PCDHB7: variants seen among roughly 807,000 people sequenced by gnomAD.
PCDHB7 encodes the protein protocadherin beta 7.
For missense variants in PCDHB7, 1,148 were observed against 1,011.6 expected, an observed-to-expected ratio of 1.13 and a Z score of -1.83; for synonymous variants, 542 against 463.1, an observed-to-expected ratio of 1.17 and a Z score of -2.19.
Position 141,175,507 on chromosome 5 carries a change from T to G in PCDHB7, c.*290T>G, listed in dbSNP as rs1753360139. On this transcript the variant is annotated 3_prime_UTR_variant, in exon 1 of 1. Transcript: ENST00000231137. ...ATTGCTTTCCATTGTTTTCAATCTC[T>G]ACTGAGACTTCCTGAGTTGATTAGA... 2 of 429,530 alleles carry G rather than the reference T, an allele frequency of 4.7e-6. No homozygotes were observed. Among genetic ancestry groups the G allele is most frequent in the Admixed American group, 4.2e-5 (1 of 24,054 alleles). The allele number at this position is 429,530 out of a possible 1,614,324, so 26.6% of individuals were successfully genotyped here.
chr5:141,173,858 C>A lies in PCDHB7; in HGVS notation c.1023C>A (p.Asn341Lys). 6.2e-7 allele frequency: 1 copy of A among 1,614,030 alleles called. No individual in the cohort carries two copies. Among genetic ancestry groups the A allele is most frequent in the South Asian group, 1.1e-5 (1 of 91,068 alleles). Reference protein sequence around the residue: ...CTVVVDVTDINDNRPELLLSS... With the variant: ...CTVVVDVTDIKDNRPELLLSS... ...TAGTGGTTGATGTAACAGATATAAA[C>A]GATAATCGACCCGAGCTGCTCCTGT... The change falls in exon 1 of 1, where the codon AAC becomes AAA. Residue 341 changes from asparagine (N) to lysine (K), a missense_variant. Transcript: ENST00000231137.
Position 141,174,650 on chromosome 5 carries a change from G to C in PCDHB7, c.1815G>C (p.Gln605His). The C allele has an allele frequency of 6.2e-7, 1 of 1,610,372 alleles. No homozygotes were observed. Among genetic ancestry groups the C allele is most frequent in the Non-Finnish European group, 8.5e-7 (1 of 1,179,738 alleles). ...DSGQNAWLSY[Q>H]LLKATEPGLF... Reference sequence around the variant, plus strand: ...GCCAGAACGCCTGGCTGTCGTACCAGCTGCTCAAGGCCACGGAGCCCGGGC... The same window carrying C: ...GCCAGAACGCCTGGCTGTCGTACCACCTGCTCAAGGCCACGGAGCCCGGGC... Residue 605 changes from glutamine (Q) to histidine (H), a missense_variant, in exon 1 of 1, where the codon CAG (glutamine) becomes CAC (histidine). Transcript: ENST00000231137.
In PCDHB7 at chr5:141,172,864, A is replaced by C. The variant is rs1554279835; in HGVS notation, c.29A>C (p.Gln10Pro). The C allele has an allele frequency of 6.2e-7, 1 of 1,614,150 alleles. No homozygotes were observed. The highest frequency in any genetic ancestry group is 1.1e-5 in the South Asian group (1 of 91,088). The change falls in exon 1 of 1, where the codon CAG becomes CCG. Residue 10 changes from glutamine (Q) to proline (P), a missense_variant. Physicochemically the swap from Gln to Pro is moderately conservative, Grantham distance 76 (BLOSUM62 -1). Transcript: ENST00000231137. MEARVERAV[Q>P]KRQVLFLCVF... is the part of the protein sequence containing the mutation. ...GAGGCCAGAGTGGAGCGTGCTGTGC[A>C]GAAAAGGCAAGTCTTATTTCTTTGT...
Position 141,175,465 on chromosome 5 carries a change from T to A in PCDHB7, c.*248T>A. The A allele has an allele frequency of 1.9e-6, 1 of 526,906 alleles. No individual in the cohort carries two copies. The highest frequency in any genetic ancestry group is 3.3e-5 in the South Asian group (1 of 30,008). 32.6% of individuals were successfully genotyped at this position (526,906 alleles called of 1,614,324 possible). On this transcript the variant is annotated 3_prime_UTR_variant, in exon 1 of 1. Coordinates refer to ENST00000231137, the MANE Select transcript of PCDHB7 (RefSeq NM_018940.4). Reference sequence around the variant, plus strand: ...TATACAGTCTATTAAATGTAAGTCTTGTTTGAGATATTTTAAATTGCTTTC... The same window carrying A: ...TATACAGTCTATTAAATGTAAGTCTAGTTTGAGATATTTTAAATTGCTTTC...
In PCDHB7 at chr5:141,173,925, G is replaced by A. The variant is rs1554280091; in HGVS notation, c.1090G>A (p.Val364Ile). 1 of 1,612,870 alleles carries A rather than the reference G, an allele frequency of 6.2e-7. No homozygotes were observed. The highest frequency in any genetic ancestry group is 1.1e-5 in the South Asian group (1 of 91,042). Residue 364 changes from valine (V) to isoleucine (I), a missense_variant, in exon 1 of 1, where the codon GTC (valine) becomes ATC (isoleucine). Physicochemically the swap from Val to Ile is conservative, Grantham distance 29 (BLOSUM62 3). Coordinates refer to ENST00000231137, the MANE Select transcript of PCDHB7 (RefSeq NM_018940.4). ...AATTGCAGAAAACTCACCCGAGACA[G>A]TCGTGGCTGTTTTTAGGATTAGAGA... is the stretch of plus-strand genomic sequence containing the variant. ...SPIAENSPET[V>I]VAVFRIRDRD...
In PCDHB7 at chr5:141,175,442, TAC is replaced by T. The variant is rs1286056070; in HGVS notation, c.*227_*228del. 4 of 595,844 alleles carry T rather than the reference TAC, an allele frequency of 6.7e-6. No homozygotes were observed. The highest frequency in any genetic ancestry group is 2.6e-5 in the South Asian group (1 of 38,420). 36.9% of individuals were successfully genotyped at this position (595,844 alleles called of 1,614,324 possible). A position where few individuals can be genotyped will look rare whatever the true frequency, so the allele number is the denominator to read the frequency against. On this transcript the variant is annotated 3_prime_UTR_variant, in exon 1 of 1. Transcript: ENST00000231137. ...TTATGTCAAACAATTATGCTTAATA[TAC>T]AGTCTATTAAATGTAAGTCTTGTTT... is the stretch of plus-strand genomic sequence containing the variant.
chr5:141,175,238 C>A lies in PCDHB7; in HGVS notation c.*21C>A, dbSNP rs782317015. Reference sequence around the variant, plus strand: ...TCTGATAAAGAATGTAAACTAAATCCGCGTCTGTGAATACGTTTCTGATTA... The same window carrying A: ...TCTGATAAAGAATGTAAACTAAATCAGCGTCTGTGAATACGTTTCTGATTA... On this transcript the variant is annotated 3_prime_UTR_variant, in exon 1 of 1. Transcript: ENST00000231137. The A allele has an allele frequency of 2.5e-6, 4 of 1,578,970 alleles. No homozygotes were observed. The highest frequency in any genetic ancestry group is 3.4e-6 in the Non-Finnish European group (4 of 1,161,604).
chr5:141,173,323 G>C lies in PCDHB7; in HGVS notation c.488G>C (p.Gly163Ala), dbSNP rs782076838. The C allele has an allele frequency of 6.2e-7, 1 of 1,613,994 alleles. No individual in the cohort carries two copies. Residue 163 changes from glycine (G) to alanine (A), a missense_variant, in exon 1 of 1, where the codon GGA (glycine) becomes GCA (alanine). By Grantham distance (60) the Gly-to-Ala change is moderately conservative. Coordinates refer to ENST00000231137, the MANE Select transcript of PCDHB7 (RefSeq NM_018940.4). ...LLESAQDSDVGTNSLSNYTIS... is the reference protein window; with the variant it reads ...LLESAQDSDVATNSLSNYTIS... ...GAGAGTGCACAGGATTCAGATGTTGGAACCAACAGCCTGAGTAACTACACC... is the reference window on the plus strand; with the variant it reads ...GAGAGTGCACAGGATTCAGATGTTGCAACCAACAGCCTGAGTAACTACACC...
At position 141,172,771 on chromosome 5, in the gene PCDHB7, CT is replaced by C; in HGVS notation, c.-64del. The C allele has an allele frequency of 7.5e-7, 1 of 1,334,002 alleles. No individual in the cohort carries two copies. Among genetic ancestry groups the C allele is most frequent in the Admixed American group, 1.9e-5 (1 of 51,732 alleles). 82.6% of individuals were successfully genotyped at this position (1,334,002 alleles called of 1,614,324 possible). ...CAGCTCATTTCAAAGGATTCCGCTG[CT>C]GCCATTTGTGAGAGCCGCTGGAGGC... is the stretch of plus-strand genomic sequence containing the variant. On this transcript the variant is annotated 5_prime_UTR_variant, in exon 1 of 1. The change abolishes the stop of an existing upstream ORF in the 5' untranslated region. Transcript: ENST00000231137.
In PCDHB7 at chr5:141,175,116, G is replaced by A. The variant is rs180836755; in HGVS notation, c.2281G>A (p.Glu761Lys). Residue 761 changes from glutamate (E) to lysine (K), a missense_variant, in exon 1 of 1, where the codon GAG (glutamate) becomes AAG (lysine). By Grantham distance (56) the Glu-to-Lys change is moderately conservative. Coordinates refer to ENST00000231137, the MANE Select transcript of PCDHB7 (RefSeq NM_018940.4). ...CCTGACTGGAGGCTCCGGGACAAAT[G>A]AGTTCAAGTTTCTGAAACCAATTAT... ...VCLTGGSGTN[E>K]FKFLKPIIPN... 45 of 1,614,248 alleles carry A rather than the reference G, an allele frequency of 2.8e-5. No homozygotes were observed. The African/African-American group carries it at 5.5e-4, about 20-fold the overall frequency.
rs1368832446 is a variant in PCDHB7, at chr5:141,173,134, A to G, written c.299A>G (p.Glu100Gly). Residue 100 changes from glutamate (E) to glycine (G), a missense_variant, in exon 1 of 1, where the codon GAG becomes GGG. Physicochemically the swap from Glu to Gly is moderately conservative, Grantham distance 98. Coordinates refer to ENST00000231137, the MANE Select transcript of PCDHB7 (RefSeq NM_018940.4). ...CGAGAGGAACTGTGTGGCCCCAGAGAGCCCTGTGTGCTGCCTTTCCAGTTG... is the reference window on the plus strand; with the variant it reads ...CGAGAGGAACTGTGTGGCCCCAGAGGGCCCTGTGTGCTGCCTTTCCAGTTG... ...LDREELCGPR[E>G]PCVLPFQLLL... is the part of the protein sequence containing the mutation. 15 of 1,614,026 alleles carry G rather than the reference A, an allele frequency of 9.3e-6. No individual in the cohort carries two copies. The highest frequency in any genetic ancestry group is 1.2e-5 in the Non-Finnish European group (14 of 1,180,008).
Position 141,174,809 on chromosome 5 carries a change from GCACGTGCTC to G in PCDHB7, c.1976_1984del (p.His659_Leu661del), listed in dbSNP as rs1242437636. On this transcript the variant is annotated inframe_deletion, in exon 1 of 1. Transcript: ENST00000231137. ...CTCCGCGCTCGGCCACCGCCACGCT[GCACGTGCTC>G]CTGGTGGACGGCTTCTCCCAGCCCT... 1 of 1,611,780 alleles carries G rather than the reference GCACGTGCTC, an allele frequency of 6.2e-7. No individual in the cohort carries two copies. Among genetic ancestry groups the G allele is most frequent in the Non-Finnish European group, 8.5e-7 (1 of 1,179,746 alleles).
In PCDHB7 at chr5:141,175,115, T is replaced by G; in HGVS notation, c.2280T>G (p.Asn760Lys). Reference sequence around the variant, plus strand: ...GCCTGACTGGAGGCTCCGGGACAAATGAGTTCAAGTTTCTGAAACCAATTA... The same window carrying G: ...GCCTGACTGGAGGCTCCGGGACAAAGGAGTTCAAGTTTCTGAAACCAATTA... Reference protein sequence around the residue: ...EVCLTGGSGTNEFKFLKPIIP... With the variant: ...EVCLTGGSGTKEFKFLKPIIP... Residue 760 changes from asparagine to lysine, a missense_variant, in exon 1 of 1, where the codon AAT becomes AAG. Physicochemically the swap from Asn to Lys is moderately conservative, Grantham distance 94 (BLOSUM62 0). Coordinates refer to ENST00000231137, the MANE Select transcript of PCDHB7 (RefSeq NM_018940.4). 1.2e-6 allele frequency: 2 copies of G among 1,614,192 alleles called. No individual in the cohort carries two copies. The highest frequency in any genetic ancestry group is 1.1e-5 in the South Asian group (1 of 91,080).
chr5:141,174,357 G>C lies in PCDHB7; in HGVS notation c.1522G>C (p.Ala508Pro), dbSNP rs17844457. Residue 508 changes from alanine to proline, a missense_variant, in exon 1 of 1, where the codon GCG becomes CCG. By Grantham distance (27) the Ala-to-Pro change is conservative (BLOSUM62 -1). Coordinates refer to ENST00000231137, the MANE Select transcript of PCDHB7 (RefSeq NM_018940.4). ...LPLASLVSIN[A>P]DNGHLFALRS... is the part of the protein sequence containing the mutation. ...CCTCGCCTCCCTGGTCTCCATCAAC[G>C]CGGACAACGGCCACCTGTTTGCCCT... is the stretch of plus-strand genomic sequence containing the variant. 2.8e-5 allele frequency: 45 copies of C among 1,612,026 alleles called. No individual in the cohort carries two copies. Among genetic ancestry groups the C allele is most frequent in the Non-Finnish European group, 3.6e-5 (42 of 1,179,848 alleles).
chr5:141,175,364 T>G lies in PCDHB7; in HGVS notation c.*147T>G. 1.1e-6 allele frequency: 1 copy of G among 932,348 alleles called. No individual in the cohort carries two copies. The highest frequency in any genetic ancestry group is 1.6e-6 in the Non-Finnish European group (1 of 634,224). The allele number at this position is 932,348 out of a possible 1,614,324, so 57.8% of individuals were successfully genotyped here. On this transcript the variant is annotated 3_prime_UTR_variant, in exon 1 of 1. Coordinates refer to ENST00000231137, the MANE Select transcript of PCDHB7 (RefSeq NM_018940.4). ...AATTTCTATACATAAAATAGGATCC[T>G]GATTTAGTATCAAGAACCCTTCACA...
chr5:141,174,719 G>A lies in PCDHB7; in HGVS notation c.1884G>A (p.Arg628=), dbSNP rs1376895433. 1.9e-6 allele frequency: 3 copies of A among 1,611,030 alleles called. No individual in the cohort carries two copies. The East Asian group carries it at 6.7e-5, about 36-fold the overall frequency. The change falls in exon 1 of 1, where the codon AGG becomes AGA. Residue 628 remains arginine, a synonymous_variant. Coordinates refer to ENST00000231137, the MANE Select transcript of PCDHB7 (RefSeq NM_018940.4). ...ACAATGGCGAGGTGCGTACCGCCAG[G>A]CTGCTGAGCGAGCGCGACGCAGCCA... ...WAHNGEVRTA[R]LLSERDAAKQ...
At position 141,173,208 on chromosome 5, in the gene PCDHB7, G is replaced by C. The variant is rs782032845; in HGVS notation, c.373G>C (p.Asp125His). The C allele has an allele frequency of 3.7e-6, 6 of 1,614,036 alleles. No homozygotes were observed. Among genetic ancestry groups the C allele is most frequent in the Non-Finnish European group, 5.1e-6 (6 of 1,180,022 alleles). The change falls in exon 1 of 1, where the codon GAC becomes CAC. Residue 125 changes from aspartate to histidine, a missense_variant. Physicochemically the swap from Asp to His is moderately conservative, Grantham distance 81 (BLOSUM62 -1). Coordinates refer to ENST00000231137, the MANE Select transcript of PCDHB7 (RefSeq NM_018940.4). ...QIFRAELWVRDINDHAPVFLD... is the reference protein window; with the variant it reads ...QIFRAELWVRHINDHAPVFLD... Reference sequence around the variant, plus strand: ...TTTCCGTGCTGAACTATGGGTCAGAGACATCAATGATCACGCTCCAGTATT... The same window carrying C: ...TTTCCGTGCTGAACTATGGGTCAGACACATCAATGATCACGCTCCAGTATT...
rs781821686 is a variant in PCDHB7 at position 141,173,614 on chromosome 5, T to G, written c.779T>G (p.Met260Arg). ...CCCGAAAATAGCCCCGTTGGTTCCATGGTTGTCTCCGTGTCAGCCAGAGAT... is the reference window on the plus strand; with the variant it reads ...CCCGAAAATAGCCCCGTTGGTTCCAGGGTTGTCTCCGTGTCAGCCAGAGAT... ...QVPENSPVGS[M>R]VVSVSARDLD... Residue 260 changes from methionine to arginine, a missense_variant, in exon 1 of 1, where the codon ATG (methionine) becomes AGG (arginine). By Grantham distance (91) the Met-to-Arg change is moderately conservative. Coordinates refer to ENST00000231137, the MANE Select transcript of PCDHB7 (RefSeq NM_018940.4). The G allele has an allele frequency of 1.9e-6, 3 of 1,614,188 alleles. No homozygotes were observed. The highest frequency in any genetic ancestry group is 2.5e-6 in the Non-Finnish European group (3 of 1,180,040).
chr5:141,172,997 A>AG lies in PCDHB7; in HGVS notation c.166dup (p.Val56GlyfsTer10). 1.2e-6 allele frequency: 2 copies of AG among 1,614,162 alleles called. No individual in the cohort carries two copies. Among genetic ancestry groups the AG allele is most frequent in the Non-Finnish European group, 1.7e-6 (2 of 1,180,006 alleles). On this transcript the variant is annotated frameshift_variant, in exon 1 of 1. Coordinates refer to ENST00000231137, the MANE Select transcript of PCDHB7 (RefSeq NM_018940.4). LOFTEE classifies it low-confidence loss of function (END_TRUNC). Reference sequence around the variant, plus strand: ...CCAACTTGGCAAAAGACCTAGGGTTAGGGGTAGGGGAACTGAGAGCCCGGG... The same window carrying AG: ...CCAACTTGGCAAAAGACCTAGGGTTAGGGGGTAGGGGAACTGAGAGCCCGGG...
Sources: allele counts gnomAD v4.1 joint callset, GRCh38; gene constraint gnomAD v4.1.1; transcripts MANE v1.5; gene names NCBI Gene and HGNC (gene_info 2026-07-23, HGNC 2026-07-21).